TPD52: variants seen among roughly 807,000 people sequenced by gnomAD.
TPD52 encodes prostate and colon associated protein.
A neutral mutation model predicts 31.3 loss-of-function variants in TPD52; 17 were observed. That is an observed-to-expected ratio of 0.54 (90% CI 0.37 to 0.82). The LOEUF (loss-of-function observed/expected upper bound fraction) is 0.82, where lower values mean the gene tolerates loss of function less well. Among genes scored for constraint, TPD52 ranks in the 40% least tolerant of loss-of-function variants. TPD52 has a pLI of 0.00. For synonymous variants in TPD52, 83 were observed against 89.6 expected, an observed-to-expected ratio of 0.93 and a Z score of 0.42; for missense variants, 212 against 240.1, an observed-to-expected ratio of 0.88 and a Z score of 0.77.
intron 1 of TPD52, among the ~76,000 whole-genome samples, chr8:80,146,057 C>T (rs967401013): frequency 1.3e-5 from 2 of 152,192 alleles, no homozygotes; most frequent in Non-Finnish European, 2.9e-5. Flanking sequence ...CACCCACTTG[C>T]CCTGCCTACA....
In TPD52 at chr8:80,125,840, A is replaced by T. The variant is rs371274951; in HGVS notation, c.19+45585T>A. ...TTGTCAGTCTCTAAGGTAACGCAAC[A>T]AAGTTGTACATAAAACCACTGACAG... is the stretch of plus-strand genomic sequence containing the variant. On this transcript the variant is annotated intron_variant, in intron 1 of 7. Coordinates refer to ENST00000518937, the MANE Select transcript of TPD52 (RefSeq NM_001025253.3). Among the ~76,000 whole-genome samples the T allele has an allele frequency of 1.3e-3, 193 of 152,318 alleles. 3 individuals carry two copies. The South Asian group carries it at 0.039, about 31-fold the overall frequency.
Position 80,095,946 on chromosome 8 carries a change from C to CTACATACATACATACATACA in TPD52, c.20-31373_20-31354dup, listed in dbSNP as rs35841969. On this transcript the variant is annotated intron_variant, in intron 1 of 7. Coordinates refer to ENST00000518937, the MANE Select transcript of TPD52 (RefSeq NM_001025253.3). ...CTGGCAACAGAGTGAGACTCCATCT[C>CTACATACATACATACATACA]TACATACATACATACATACATACTA... Among the ~76,000 whole-genome samples the CTACATACATACATACATACA allele has an allele frequency of 2.8e-4, 42 of 150,502 alleles. 1 individual carries two copies. The highest frequency in any genetic ancestry group is 1.0e-3 in the African/African-American group (42 of 40,890).
At chr8:80,124,417 C>G (rs10957962) in intron 1 of TPD52, among the ~76,000 whole-genome samples, 65,611 of 151,954 alleles carry the variant, frequency 0.43, 14,768 homozygotes, top group East Asian at 0.78. Context: ...AAGCAGTCCA[C>G]CCTCCTCGGC....
chr8:80,117,549 T>C (rs1807946903), intron 1 of TPD52, among the ~76,000 whole-genome samples: 1 of 152,158 alleles, frequency 6.6e-6, no homozygotes, highest in Admixed American at 6.5e-5. Context: ...ATTGTGGAGA[T>C]GACAATACCT....
At chr8:80,117,899 A>AT (rs941112400) in intron 1 of TPD52, among the ~76,000 whole-genome samples, 44 of 151,586 alleles carry the variant, frequency 2.9e-4, no homozygotes, top group African/African-American at 9.0e-4. Flanking sequence ...CTCCTAGCTA[A>AT]TTTTTTGTAT....
At chr8:80,074,859 G>A (rs886550187) in intron 1 of TPD52, among the ~76,000 whole-genome samples, 28 of 152,184 alleles carry the variant, frequency 1.8e-4, no homozygotes, top group Admixed American at 6.5e-4. Flanking sequence ...GGGGGAAAAC[G>A]AGTTGGGTAA....
At chr8:80,144,934 C>T (rs1810090791) in intron 1 of TPD52, among the ~76,000 whole-genome samples, 1 of 151,880 alleles carries the variant, frequency 6.6e-6, no homozygotes, top group Admixed American at 6.6e-5. Context: ...GCCTAATAAG[C>T]CCTTATATCC....
chr8:80,133,829 G>A (rs1007723350), intron 1 of TPD52, among the ~76,000 whole-genome samples: 1 of 151,730 alleles, frequency 6.6e-6, no homozygotes, highest in African/African-American at 2.4e-5. Flanking sequence ...GGGAAGCTGG[G>A]CAAGGAGGGG....
In TPD52 at chr8:80,064,501, C is replaced by A. The variant is rs769315107; in HGVS notation, c.112G>T (p.Glu38Ter). ...ACCTTTGCAAGTTCTCTTCTTAGCT[C>A]TTCCTGCTCCTCTTCCGAGAGGGTC... ...TETLSEEEQE[E>*]LRRELAKVEE... Residue 38 changes from glutamate to a stop codon, truncating the protein, a stop_gained, in exon 2 of 8, where the codon GAG becomes TAG. Coordinates refer to ENST00000518937, the MANE Select transcript of TPD52 (RefSeq NM_001025253.3). LOFTEE classifies it high-confidence loss of function. 1 of 1,614,116 alleles carries A rather than the reference C, an allele frequency of 6.2e-7. No homozygotes were observed. Among genetic ancestry groups the A allele is most frequent in the Admixed American group, 1.7e-5 (1 of 60,022 alleles).
rs11450396 is a variant in TPD52, at chr8:80,106,681, AT to A, written c.20-42089del. 1.3e-3 allele frequency among the ~76,000 whole-genome samples: 189 copies of A among 143,230 alleles called. 1 individual carries two copies. Among genetic ancestry groups the A allele is most frequent in the Non-Finnish European group, 1.7e-3 (109 of 65,798 alleles). 94.0% of individuals were successfully genotyped at this position (143,230 alleles called of 152,430 possible). ...TCAAATAGTAGGTCTTACTCGTTCTATTTTTTTTTTTTTGTACCCAGTAAAC... is the reference window on the plus strand; with the variant it reads ...TCAAATAGTAGGTCTTACTCGTTCTATTTTTTTTTTTTGTACCCAGTAAAC... On this transcript the variant is annotated intron_variant, in intron 1 of 7. Transcript: ENST00000518937.
chr8:80,098,808 T>G (rs1000624664), intron 1 of TPD52, among the ~76,000 whole-genome samples: 1 of 152,210 alleles, frequency 6.6e-6, no homozygotes, highest in Non-Finnish European at 1.5e-5. Flanking sequence ...AACAGCATTG[T>G]ATGCTACAGA....
At chr8:80,164,631 C>T (rs1201109212) in intron 1 of TPD52, among the ~76,000 whole-genome samples, 6 of 152,164 alleles carry the variant, frequency 3.9e-5, no homozygotes, top group Non-Finnish European at 8.8e-5. Flanking sequence ...CTCCTGTAAT[C>T]CCAGCAGCTT....
chr8:80,080,377 T>C, intron 1 of TPD52: 2 of 1,614,210 alleles, frequency 1.2e-6, no homozygotes, highest in Non-Finnish European at 1.7e-6. Flanking sequence ...CAAGTAGAGA[T>C]AGCTTTTGTT....
chr8:80,155,906 G>A lies in TPD52; in HGVS notation c.19+15519C>T, dbSNP rs1459618097. Reference sequence around the variant, plus strand: ...CTCAAAAAAAAAAAAAGAAAGAAAAGAAAAGAAAATATAGAAAGAAGAGCA... The same window carrying A: ...CTCAAAAAAAAAAAAAGAAAGAAAAAAAAAGAAAATATAGAAAGAAGAGCA... On this transcript the variant is annotated intron_variant, in intron 1 of 7. Coordinates refer to ENST00000518937, the MANE Select transcript of TPD52 (RefSeq NM_001025253.3). Among the ~76,000 whole-genome samples the A allele has an allele frequency of 2.6e-5, 4 of 151,484 alleles. No individual in the cohort carries two copies. In the South Asian group the frequency reaches 8.3e-4, roughly 32 times the overall value.
chr8:80,034,370 T>C (rs1376209582), downstream of TPD52, among the ~76,000 whole-genome samples: 5 of 152,100 alleles, frequency 3.3e-5, no homozygotes, highest in Admixed American at 1.3e-4. Flanking sequence ...GCAGGGTTCC[T>C]GCTGGGATCA....
At chr8:80,156,290 C>T (rs943111750) in intron 1 of TPD52, among the ~76,000 whole-genome samples, 4 of 152,172 alleles carry the variant, frequency 2.6e-5, no homozygotes, top group Non-Finnish European at 4.4e-5. Context: ...CTTACATGTT[C>T]GCTCAGGGTT....
chr8:80,049,686 A>T (rs1157834930), intron 5 of TPD52, among the ~76,000 whole-genome samples: 1 of 152,350 alleles, frequency 6.6e-6, no homozygotes, highest in East Asian at 1.9e-4. Context: ...CCAACAACTA[A>T]TCAGATAATC....
In TPD52 at chr8:80,090,667, A is replaced by G. The variant is rs190188583; in HGVS notation, c.20-26074T>C. On this transcript the variant is annotated intron_variant, in intron 1 of 7. Transcript: ENST00000518937. ...CTTTTCTCCTTTATTTTCCATCCCA[A>G]TGGGGGAAAAAAGACTATTATAGCA... 2.6e-5 allele frequency among the ~76,000 whole-genome samples: 4 copies of G among 152,182 alleles called. No individual in the cohort carries two copies. In the East Asian group the frequency reaches 5.8e-4, roughly 22 times the overall value.
intron 1 of TPD52, among the ~76,000 whole-genome samples, chr8:80,097,140 T>TA (rs34751634): frequency 0.67 from 101,107 of 152,006 alleles, 34,957 homozygotes; most frequent in African/African-American, 0.87. Flanking sequence ...TCAAACCAGC[T>TA]CAACACTCCC....
Sources: gnomAD v4.1 joint callset for allele counts (sites outside exome capture counted in the v4.1 genomes callset) on GRCh38, gnomAD v4.1.1 for gene constraint, MANE v1.5 for transcripts, NCBI Gene and HGNC (gene_info 2026-07-23, HGNC 2026-07-21) for gene names.